ANKRD18A: variants seen among roughly 807,000 people sequenced by gnomAD.
ANKRD18A encodes the protein ankyrin repeat domain-containing protein 18A.
A neutral mutation model predicts 110.6 loss-of-function variants in ANKRD18A; 72 were observed. The observed-to-expected ratio is 0.65, with a 90% confidence interval of 0.54 to 0.79. The LOEUF (loss-of-function observed/expected upper bound fraction) is 0.79. Among genes scored for constraint, ANKRD18A ranks in the 30% least tolerant of loss-of-function variants. The pLI is 0.00. For synonymous variants in ANKRD18A, 305 were observed against 410.3 expected, an observed-to-expected ratio of 0.74 and a Z score of 3.10; for missense variants, 934 against 1,163.3, an observed-to-expected ratio of 0.80 and a Z score of 2.87.
intron 1 of ANKRD18A, among the ~76,000 whole-genome samples, chr9:38,617,535 T>TA (rs1429358602): frequency 5.3e-5 from 8 of 152,206 alleles, no homozygotes; most frequent in African/African-American, 1.9e-4. Context: ...AGTCAACACT[T>TA]AGATTTACAG....
intron 12 of ANKRD18A, among the ~76,000 whole-genome samples, chr9:38,585,453 T>A (rs1404033321): frequency 6.6e-6 from 1 of 152,144 alleles, no homozygotes; most frequent in Non-Finnish European, 1.5e-5. Flanking sequence ...CCTACAACTC[T>A]GTCTGCTGGA....
chr9:38,593,939 T>C, intron 9 of ANKRD18A, 30 bp from the exon 10 acceptor site: 1 of 1,446,124 alleles, frequency 6.9e-7, no homozygotes, highest in Non-Finnish European at 9.1e-7. Flanking sequence ...ACCAATTTTA[T>C]AAAGTGGCTT....
intron 6 of ANKRD18A, among the ~76,000 whole-genome samples, chr9:38,607,129 T>C (rs1375082871): frequency 6.6e-6 from 1 of 152,224 alleles, no homozygotes; most frequent in Middle Eastern, 3.2e-3. Context: ...CAATCTCGGC[T>C]CACTGCAACC....
rs963874056 is a variant in ANKRD18A, at chr9:38,577,179, T to A, written c.2615A>T (p.Asp872Val). The part of the protein sequence containing the change: ...SLKKKELTLK[D>V]VECKFSKMKT... Reference sequence around the variant, plus strand: ...CATTTTGGAGAATTTACATTCCACATCTTTAAGTGTGAGTTCCTTCTTTTT... The same window carrying A: ...CATTTTGGAGAATTTACATTCCACAACTTTAAGTGTGAGTTCCTTCTTTTT... Residue 872 changes from aspartate (D) to valine (V), a missense_variant, in exon 14 of 16, where the codon GAT (aspartate) becomes GTT (valine). By Grantham distance (152) the Asp-to-Val change is radical. Around this residue, in one of 4 missense-constraint regions of ANKRD18A, gnomAD observed 223 missense variants for 226.7 expected, o/e 0.98. Transcript: ENST00000399703. The A allele has an allele frequency of 5.2e-6, 8 of 1,548,430 alleles. No homozygotes were observed. The highest frequency in any genetic ancestry group is 2.1e-4 in the Middle Eastern group (1 of 4,670).
At chr9:38,574,907 A>G (rs1439656901) in intron 15 of ANKRD18A, among the ~76,000 whole-genome samples, 1 of 152,026 alleles carries the variant, frequency 6.6e-6, no homozygotes, top group Non-Finnish European at 1.5e-5. Context: ...CTGCCTGGCC[A>G]ATATGGTGAA....
intron 10 of ANKRD18A, among the ~76,000 whole-genome samples, chr9:38,591,391 G>A (rs916802598): frequency 1.3e-4 from 20 of 152,240 alleles, no homozygotes; most frequent in African/African-American, 4.3e-4. Context: ...CTGTGTCTCC[G>A]GTTCTTTATC....
intron 12 of ANKRD18A, among the ~76,000 whole-genome samples, chr9:38,580,798 TCTC>T (rs1404200913): frequency 1.3e-5 from 2 of 150,396 alleles, no homozygotes; most frequent in Non-Finnish European, 3.0e-5. Context: ...CTGATGGCCT[TCTC>T]CTAATGAATA....
chr9:38,620,009 C>T (rs1826015517), intron 1 of ANKRD18A, 71 bp downstream of exon 1: 9 of 1,527,114 alleles, frequency 5.9e-6, no homozygotes, highest in Non-Finnish European at 3.5e-6. Context: ...GTCCCCGCCC[C>T]AGGGGCTGCC....
At chr9:38,567,117 A>G (rs2118584707), downstream of ANKRD18A, 2 of 152,372 alleles carry the variant, frequency 1.3e-5, 1 homozygote, top group South Asian at 4.1e-4. Flanking sequence ...TCATACTTCA[A>G]AAAGCAATAA....
intron 8 of ANKRD18A, among the ~76,000 whole-genome samples, chr9:38,600,539 T>C (rs963479725): frequency 6.6e-6 from 1 of 152,228 alleles, no homozygotes; most frequent in Non-Finnish European, 1.5e-5. Flanking sequence ...CTACTTATGT[T>C]AAAACAAGAA....
chr9:38,609,878 G>A (rs376557216), intron 5 of ANKRD18A, among the ~76,000 whole-genome samples: 68 of 149,784 alleles, frequency 4.5e-4, no homozygotes, highest in Admixed American at 8.1e-4. Context: ...AGCAGTTTGC[G>A]AGGCCAAGGC....
At chr9:38,619,403 G>A (rs556608473) in intron 1 of ANKRD18A, among the ~76,000 whole-genome samples, 1 of 151,968 alleles carries the variant, frequency 6.6e-6, no homozygotes, top group Non-Finnish European at 1.5e-5. Context: ...TGGATTTCCT[G>A]TTCTGTTCCA....
chr9:38,575,384 G>T, intron 15 of ANKRD18A, 92 bp downstream of exon 15: 1 of 1,283,936 alleles, frequency 7.8e-7, no homozygotes, highest in Non-Finnish European at 1.1e-6. Context: ...CTTAACATGC[G>T]TAAGTCAACA....
chr9:38,575,604 G>A lies in ANKRD18A; in HGVS notation c.2836C>T (p.Pro946Ser), dbSNP rs1424103690. 3.2e-6 allele frequency: 5 copies of A among 1,551,616 alleles called. No individual in the cohort carries two copies. The highest frequency in any genetic ancestry group is 1.7e-4 in the Middle Eastern group (1 of 5,988). Residue 946 changes from proline (P) to serine (S), a missense_variant, in exon 15 of 16, where the codon CCA becomes TCA. By Grantham distance (74) the Pro-to-Ser change is moderately conservative. This residue lies in a region of ANKRD18A where 223 missense variants were observed against 226.7 expected (regional missense o/e 0.98). Coordinates refer to ENST00000399703, the MANE Select transcript of ANKRD18A (RefSeq NM_147195.4). ...FLSTLPTRPE[P>S]ELPCVENLNS... ...AGATTTTCAACACAAGGTAACTCTG[G>A]TTCTGGCCTTGTAGGAAGAGTGCTG...
chr9:38,573,172 C>A, intron 15 of ANKRD18A: 3 of 1,027,106 alleles, frequency 2.9e-6, no homozygotes, highest in Non-Finnish European at 3.9e-6. Flanking sequence ...TTAAGTTAAA[C>A]AAGAAATATT....
intron 3 of ANKRD18A, among the ~76,000 whole-genome samples, chr9:38,615,131 A>G (rs1322261595): frequency 6.6e-6 from 1 of 152,204 alleles, no homozygotes; most frequent in Non-Finnish European, 1.5e-5. Flanking sequence ...AGTGACCTGC[A>G]TGTTTTTGAT....
At chr9:38,591,767 G>T (rs1293049548) in intron 10 of ANKRD18A, among the ~76,000 whole-genome samples, 1 of 152,122 alleles carries the variant, frequency 6.6e-6, no homozygotes, top group Non-Finnish European at 1.5e-5. Flanking sequence ...CAACAGTCAC[G>T]TATGTACTAC....
chr9:38,615,218 T>TCAG (rs200349306), intron 3 of ANKRD18A, among the ~76,000 whole-genome samples: 2,905 of 152,302 alleles, frequency 0.019, 79 homozygotes, highest in African/African-American at 0.058. Flanking sequence ...TAGAAAACCG[T>TCAG]CAGCAGCAGC....
intron 15 of ANKRD18A, 108 bp from the exon 16 acceptor site, chr9:38,572,167 GA>G (rs1465528560): frequency 1.3e-6 from 1 of 772,782 alleles, no homozygotes; most frequent in Non-Finnish European, 2.0e-6. Flanking sequence ...ATAAGAATGA[GA>G]AATATGTACG....
Sources: gnomAD v4.1 joint callset for allele counts (sites outside exome capture counted in the v4.1 genomes callset) on GRCh38, gnomAD v4.1.1 for gene constraint, gnomAD v4.1.1 regional missense constraint, MANE v1.5 for transcripts, NCBI Gene and HGNC (gene_info 2026-07-23, HGNC 2026-07-21) for gene names.